The following TJP2 variants were observed in gnomAD, a reference collection of about 807,000 sequenced individuals.
TJP2 encodes Friedreich ataxia region gene X104 (tight junction protein ZO-2).
A neutral mutation model predicts 133.1 loss-of-function variants in TJP2; 91 were observed. The observed-to-expected ratio is 0.68, with a 90% confidence interval of 0.58 to 0.81. TJP2 has a LOEUF of 0.81. Among genes scored for constraint, TJP2 ranks in the 40% least tolerant of loss-of-function variants. TJP2 has a pLI of 0.00. For missense variants in TJP2, 1,541 were observed against 1,565.6 expected (o/e 0.98, Z 0.26); for synonymous variants, 592 against 583.4 (o/e 1.01, Z -0.21).
At chr9:69,153,560 G>T (rs1334097354) in intron 2 of TJP2, among the ~76,000 whole-genome samples, 1 of 152,126 alleles carries the variant, frequency 6.6e-6, no homozygotes, top group African/African-American at 2.4e-5. Context: ...TTCCAGCCTT[G>T]CGATACAGAG....
chr9:69,133,138 T>G (rs958568982), intron 1 of TJP2, among the ~76,000 whole-genome samples: 1 of 152,122 alleles, frequency 6.6e-6, no homozygotes, highest in African/African-American at 2.4e-5. Flanking sequence ...ATTTTTGTAT[T>G]TTTTGTAGAG....
chr9:69,221,267 C>T lies in TJP2; in HGVS notation c.723C>T (p.Arg241=), dbSNP rs753194702. 10 of 1,608,220 alleles carry T rather than the reference C, an allele frequency of 6.2e-6. No individual in the cohort carries two copies. The South Asian group carries it at 1.1e-4, about 18-fold the overall frequency. Residue 241 remains arginine, a synonymous_variant, in exon 5 of 23, where the codon CGC becomes CGT. Coordinates refer to ENST00000377245, the MANE Select transcript of TJP2 (RefSeq NM_004817.4). ...GGGACCGGGACCGTGACCGCAGCCG[C>T]GGCCGGAGCATTGACCAGGACTACG... is the stretch of plus-strand genomic sequence containing the variant. The part of the protein sequence containing the change: ...PSRDRDRDRS[R]GRSIDQDYER...
intron 1 of TJP2, among the ~76,000 whole-genome samples, chr9:69,147,594 A>C (rs1280096812): frequency 5.3e-5 from 8 of 152,184 alleles, no homozygotes; most frequent in African/African-American, 1.9e-4. Context: ...CGGCCTAAAC[A>C]AGCTCCCATG....
chr9:69,220,384 A>G (rs58620660), intron 4 of TJP2, among the ~76,000 whole-genome samples: 2,874 of 152,280 alleles, frequency 0.019, 85 homozygotes, highest in African/African-American at 0.065. Context: ...TTTATGGTAG[A>G]AACGTTCAGA....
At chr9:69,167,569 T>C (rs1824423412) in intron 2 of TJP2, among the ~76,000 whole-genome samples, 1 of 152,156 alleles carries the variant, frequency 6.6e-6, no homozygotes, top group Admixed American at 6.5e-5. Flanking sequence ...AATAGAAGAA[T>C]GTCTACCTGG....
chr9:69,169,039 G>T (rs1824523920), intron 2 of TJP2, among the ~76,000 whole-genome samples: 1 of 151,934 alleles, frequency 6.6e-6, no homozygotes, highest in Non-Finnish European at 1.5e-5. Context: ...AGTGGGGGCG[G>T]GGACGGGGGA....
At chr9:69,148,715 T>G (rs993607079) in intron 1 of TJP2, among the ~76,000 whole-genome samples, 8 of 152,282 alleles carry the variant, frequency 5.3e-5, no homozygotes, top group Admixed American at 4.6e-4. Flanking sequence ...TGCTTGGGCT[T>G]CTATTCTGCA....
chr9:69,142,912 C>A (rs918326681), intron 1 of TJP2, among the ~76,000 whole-genome samples: 2 of 152,014 alleles, frequency 1.3e-5, no homozygotes, highest in East Asian at 3.8e-4. Flanking sequence ...GGGAATTAAC[C>A]CAATATATGC....
At chr9:69,184,503 T>C (rs2094232796) in intron 1 of TJP2, among the ~76,000 whole-genome samples, 1 of 152,156 alleles carries the variant, frequency 6.6e-6, no homozygotes, top group African/African-American at 2.4e-5. Flanking sequence ...GAAAAACAAA[T>C]GGCTTCTGCT....
chr9:69,230,339 C>A (rs1027482496), intron 11 of TJP2, 107 bp downstream of exon 11: 2 of 1,436,598 alleles, frequency 1.4e-6, no homozygotes, highest in African/African-American at 1.4e-5. Context: ...TGAAATAGAG[C>A]AGCTGCAAGT....
Position 69,221,336 on chromosome 9 carries a change from C to T in TJP2, c.792C>T (p.Ala264=), listed in dbSNP as rs1244089977. ...CCTACGACCCAGACTACGAGCGGGC[C>T]TACAGCCCGGAGTACAGGCGCGGGG... The part of the protein sequence containing the change: ...HRAYDPDYER[A]YSPEYRRGAR... The change falls in exon 5 of 23, where the codon GCC becomes GCT. Residue 264 remains alanine (A), a synonymous_variant. Transcript: ENST00000377245. 3 of 1,595,134 alleles carry T rather than the reference C, an allele frequency of 1.9e-6. No homozygotes were observed. The highest frequency in any genetic ancestry group is 1.1e-5 in the South Asian group (1 of 88,754).
intron 1 of TJP2, among the ~76,000 whole-genome samples, chr9:69,185,202 C>T (rs1163198596): frequency 6.6e-6 from 1 of 152,056 alleles, no homozygotes; most frequent in Non-Finnish European, 1.5e-5. Context: ...GCTGGGATTA[C>T]AGGTGGGTGC....
At chr9:69,165,248 C>T (rs1824287533) in intron 2 of TJP2, among the ~76,000 whole-genome samples, 1 of 152,204 alleles carries the variant, frequency 6.6e-6, no homozygotes, top group Non-Finnish European at 1.5e-5. Flanking sequence ...CTGTCTCAGC[C>T]TCTGGAGTAG....
At chr9:69,178,785 T>A (rs951669866) in intron 1 of TJP2, among the ~76,000 whole-genome samples, 1 of 152,170 alleles carries the variant, frequency 6.6e-6, no homozygotes, top group Non-Finnish European at 1.5e-5. Context: ...TGGTATGATA[T>A]TTTTGATATG....
chr9:69,231,107 G>GT (rs1360746956), intron 11 of TJP2, among the ~76,000 whole-genome samples: 8 of 124,864 alleles, frequency 6.4e-5, no homozygotes, highest in East Asian at 2.5e-4. Context: ...CTAGGGAACT[G>GT]TTTTTTTTGT....
At chr9:69,158,990 C>G (rs984474755) in intron 2 of TJP2, among the ~76,000 whole-genome samples, 4 of 151,862 alleles carry the variant, frequency 2.6e-5, no homozygotes, top group South Asian at 2.1e-4. Flanking sequence ...CCGCCCCCCC[C>G]CCATCAAAAT....
intron 5 of TJP2, 74 bp downstream of exon 5, chr9:69,221,570 T>TC (rs1390487147): frequency 4.0e-6 from 6 of 1,503,998 alleles, no homozygotes; most frequent in East Asian, 2.5e-5. Flanking sequence ...TTTTTTTTTT[T>TC]CCCCCGAAAG....
intron 10 of TJP2, among the ~76,000 whole-genome samples, chr9:69,229,739 C>G (rs185133240): frequency 6.6e-6 from 1 of 152,312 alleles, no homozygotes; most frequent in Non-Finnish European, 1.5e-5. Flanking sequence ...TGTACCCAGA[C>G]TGTGTCTTTA....
intron 1 of TJP2, among the ~76,000 whole-genome samples, chr9:69,185,881 C>CTTT (rs34030534): frequency 1.2e-4 from 16 of 135,428 alleles, no homozygotes; most frequent in African/African-American, 2.5e-4. Flanking sequence ...TAATGTAGTC[C>CTTT]TTTTTTTTTT....
Sources: allele counts gnomAD v4.1 joint callset (sites outside exome capture counted in the v4.1 genomes callset), GRCh38; gene constraint gnomAD v4.1.1; transcripts MANE v1.5; gene names NCBI Gene and HGNC (gene_info 2026-07-23, HGNC 2026-07-21).